The following CHD8 variants were observed in gnomAD, a reference collection of about 807,000 sequenced individuals.
CHD8 encodes the protein chromodomain helicase DNA binding protein 8.
Under a neutral mutation model 279.2 loss-of-function variants are expected in CHD8, and 31 were observed. That is an observed-to-expected ratio of 0.11 (90% CI 0.08 to 0.15). CHD8 has a LOEUF of 0.15. Ranked by LOEUF, CHD8 falls within the 10% of genes least tolerant of loss-of-function variation. The probability of loss-of-function intolerance (pLI) is 1.00; values close to 1 mark genes in which losing one functional copy is unlikely to be tolerated. For missense variants in CHD8, 2,146 were observed against 3,230.5 expected (o/e 0.66, Z 8.14); for synonymous variants, 1,081 against 1,139.6 (o/e 0.95, Z 1.04).
rs746163664 is a variant in CHD8, at chr14:21,429,086, G to C, written c.1093C>G (p.Gln365Glu). Residue 365 changes from glutamine (Q) to glutamate (E), a missense_variant, in exon 3 of 38, where the codon CAG becomes GAG. Physicochemically the swap from Gln to Glu is conservative, Grantham distance 29. This residue lies in a region of CHD8 where 170 missense variants were observed against 189.9 expected (regional missense o/e 0.90). Transcript: ENST00000646647. ...PQPPSSQPQP[Q>E]QPPSTQPVTL... ...ACTGGCTGGGTGGAGGGTGGCTGCTGGGGCTGTGGCTGCGATGATGGTGGT... is the reference window on the plus strand; with the variant it reads ...ACTGGCTGGGTGGAGGGTGGCTGCTCGGGCTGTGGCTGCGATGATGGTGGT... 35 of 1,613,916 alleles carry C rather than the reference G, an allele frequency of 2.2e-5. 1 individual carries two copies. Among genetic ancestry groups the C allele is most frequent in the East Asian group, 1.1e-4 (5 of 44,894 alleles).
rs1363376641 is a variant in CHD8 at position 21,405,114 on chromosome 14, G to A, written c.3307+95C>T. 1.6e-6 allele frequency: 2 copies of A among 1,276,240 alleles called. No homozygotes were observed. The highest frequency in any genetic ancestry group is 2.9e-5 in the African/African-American group (2 of 67,858). The allele number at this position is 1,276,240 out of a possible 1,614,324, so 79.1% of individuals were successfully genotyped here. On this transcript the variant is annotated intron_variant, in intron 16 of 37. Transcript: ENST00000646647. The surrounding 1 kb of genome is among the most constrained non-coding windows in gnomAD (Gnocchi z 4.2). The stretch of plus-strand genomic sequence containing the variant: ...TCAGTCCGCACCCCAAATTAGGTTG[G>A]TTGAGTCAATGCATCCATTGTCCCC...
chr14:21,391,950 G>A lies in CHD8; in HGVS notation c.6772-4C>T. The A allele has an allele frequency of 6.2e-7, 1 of 1,604,052 alleles. No individual in the cohort carries two copies. The highest frequency in any genetic ancestry group is 8.5e-7 in the Non-Finnish European group (1 of 1,171,138). ...ATGTTAACTTCAATCCTTCCTCCTAGGAAGACAACCCACCCACCCAAGACA... is the reference window on the plus strand; with the variant it reads ...ATGTTAACTTCAATCCTTCCTCCTAAGAAGACAACCCACCCACCCAAGACA... On this transcript the variant is annotated splice_polypyrimidine_tract_variant and splice_region_variant and intron_variant, in intron 34 of 37. Coordinates refer to ENST00000646647, the MANE Select transcript of CHD8 (RefSeq NM_001170629.2).
chr14:21,441,769 G>C (rs1456466994), intron 1 of CHD8, among the ~76,000 whole-genome samples: 1 of 152,108 alleles, frequency 6.6e-6, no homozygotes, highest in Non-Finnish European at 1.5e-5. Context: ...GGCACCTGTA[G>C]TCCCAGCTAC....
intron 5 of CHD8, among the ~76,000 whole-genome samples, chr14:21,420,214 C>T (rs904110891): frequency 6.6e-6 from 1 of 152,234 alleles, no homozygotes; most frequent in African/African-American, 2.4e-5. Context: ...CCCCTGCCAG[C>T]ACACCCTTCA....
At chr14:21,433,541 ACC>A (rs1889651059) in intron 1 of CHD8, among the ~76,000 whole-genome samples, 1 of 152,082 alleles carries the variant, frequency 6.6e-6, no homozygotes, top group African/African-American at 2.4e-5. Flanking sequence ...TTTCCATATA[ACC>A]CCCATGCTAT....
intron 10 of CHD8, among the ~76,000 whole-genome samples, chr14:21,412,380 G>A (rs906709992): frequency 6.6e-6 from 1 of 152,034 alleles, no homozygotes; most frequent in Admixed American, 6.6e-5. Flanking sequence ...TCCCAACCTC[G>A]TGATCTGCCC....
intron 37 of CHD8, among the ~76,000 whole-genome samples, chr14:21,386,761 C>T (rs946493586): frequency 2.0e-5 from 3 of 151,502 alleles, no homozygotes; most frequent in African/African-American, 7.3e-5. Flanking sequence ...ATGGTGTGAA[C>T]CCGGGAGGCA....
In CHD8 at chr14:21,429,038, C is replaced by A. The variant is rs1224318013; in HGVS notation, c.1141G>T (p.Ala381Ser). ...CTTTGTCCTGGTCCCATTATCTGAGCCTGCTGTACAGAGGACAGAGTCACT... is the reference window on the plus strand; with the variant it reads ...CTTTGTCCTGGTCCCATTATCTGAGACTGCTGTACAGAGGACAGAGTCACT... Reference protein sequence around the residue: ...QPVTLSSVQQAQIMGPGQSPG... With the variant: ...QPVTLSSVQQSQIMGPGQSPG... Residue 381 changes from alanine (A) to serine (S), a missense_variant, in exon 3 of 38, where the codon GCT (alanine) becomes TCT (serine). Physicochemically the swap from Ala to Ser is moderately conservative, Grantham distance 99. This residue lies in a region of CHD8 where 170 missense variants were observed against 189.9 expected (regional missense o/e 0.90). Coordinates refer to ENST00000646647, the MANE Select transcript of CHD8 (RefSeq NM_001170629.2). The A allele has an allele frequency of 1.2e-6, 2 of 1,613,944 alleles. No homozygotes were observed. The highest frequency in any genetic ancestry group is 1.3e-5 in the African/African-American group (1 of 75,016).
chr14:21,394,576 T>C, intron 30 of CHD8, 91 bp from the exon 31 acceptor site: 2 of 382,666 alleles, frequency 5.2e-6, no homozygotes, highest in Non-Finnish European at 7.7e-6. Context: ...TTTTAGAATA[T>C]CTGAAAACAC....
In CHD8 at chr14:21,402,205, A is replaced by G; in HGVS notation, c.3883-69T>C. On this transcript the variant is annotated intron_variant, in intron 19 of 37. Coordinates refer to ENST00000646647, the MANE Select transcript of CHD8 (RefSeq NM_001170629.2). The surrounding 1 kb of genome is among the most constrained non-coding windows in gnomAD (Gnocchi z 4.5). ...ATATCTAACCATGCCATAATATTTT[A>G]GCTATTATATTTTAAGAAATAATAA... 6.9e-7 allele frequency: 1 copy of G among 1,454,634 alleles called. No homozygotes were observed. The highest frequency in any genetic ancestry group is 9.4e-7 in the Non-Finnish European group (1 of 1,066,788). 90.1% of individuals were successfully genotyped at this position (1,454,634 alleles called of 1,614,324 possible). A position where few individuals can be genotyped will look rare whatever the true frequency, so the allele number is the denominator to read the frequency against.
intron 30 of CHD8, 74 bp downstream of exon 30, chr14:21,394,838 T>C: frequency 6.8e-7 from 1 of 1,476,352 alleles, no homozygotes; most frequent in Non-Finnish European, 9.3e-7. Flanking sequence ...AAATAAATCC[T>C]TCCTGAGATG....
chr14:21,395,364 G>A lies in CHD8; in HGVS notation c.5128-12C>T. ...ATCAAGGGATCACCCTAGAGAAGGA[G>A]ATCCACCCAATAGGATGGAGCGGGG... On this transcript the variant is annotated splice_polypyrimidine_tract_variant and intron_variant, in intron 28 of 37. Transcript: ENST00000646647. 1 of 1,595,136 alleles carries A rather than the reference G, an allele frequency of 6.3e-7. No homozygotes were observed. Among genetic ancestry groups the A allele is most frequent in the Non-Finnish European group, 8.6e-7 (1 of 1,167,702 alleles).
Position 21,401,008 on chromosome 14 carries a change from C to G in CHD8, c.4237G>C (p.Asp1413His). 1 of 1,614,004 alleles carries G rather than the reference C, an allele frequency of 6.2e-7. No individual in the cohort carries two copies. Among genetic ancestry groups the G allele is most frequent in the Non-Finnish European group, 8.5e-7 (1 of 1,179,890 alleles). ...KQTRHFSTLK[D>H]DDLVEFSDLE... is the part of the protein sequence containing the mutation. The stretch of plus-strand genomic sequence containing the variant: ...TCAGAGAATTCCACCAGGTCATCAT[C>G]TTTCAGAGTGCTAAAGTGGCGCGTT... The change falls in exon 22 of 38, where the codon GAT becomes CAT. Residue 1413 changes from aspartate (D) to histidine (H), a missense_variant. By Grantham distance (81) the Asp-to-His change is moderately conservative. This residue lies in a region of CHD8 where 74 missense variants were observed against 91.5 expected (regional missense o/e 0.81). Coordinates refer to ENST00000646647, the MANE Select transcript of CHD8 (RefSeq NM_001170629.2).
intron 1 of CHD8, among the ~76,000 whole-genome samples, chr14:21,452,428 G>C (rs929389626): frequency 6.6e-6 from 1 of 152,050 alleles, no homozygotes; most frequent in African/African-American, 2.4e-5. Flanking sequence ...AGATCAGCCT[G>C]AGGTCAGGAG....
At chr14:21,422,480 AT>A (rs1000673030) in intron 5 of CHD8, among the ~76,000 whole-genome samples, 1 of 145,506 alleles carries the variant, frequency 6.9e-6, no homozygotes, top group Non-Finnish European at 1.5e-5. Flanking sequence ...AATTTCCTTC[AT>A]TTTTTTTGTT....
intron 5 of CHD8, 109 bp from the exon 6 acceptor site, chr14:21,416,016 G>A: frequency 2.3e-6 from 2 of 866,036 alleles, no homozygotes; most frequent in South Asian, 3.3e-5. Flanking sequence ...AAATTTTCAT[G>A]AAAAATCAGA....
rs1027707875 is a variant in CHD8 at position 21,431,694 on chromosome 14, AG to A, written c.-52del. ...CTCCAAGGTCTAGGGAGGGAAGGGG[AG>A]GGGGGGTACTGGCTCTCCCCTCCCC... is the stretch of plus-strand genomic sequence containing the variant. On this transcript the variant is annotated 5_prime_UTR_variant, in exon 2 of 38. Coordinates refer to ENST00000646647, the MANE Select transcript of CHD8 (RefSeq NM_001170629.2). 5 of 1,484,790 alleles carry A rather than the reference AG, an allele frequency of 3.4e-6. No homozygotes were observed. The highest frequency in any genetic ancestry group is 1.8e-5 in the Admixed American group (1 of 55,910). 92.0% of individuals were successfully genotyped at this position (1,484,790 alleles called of 1,614,324 possible). A position where few individuals can be genotyped will look rare whatever the true frequency, so the allele number is the denominator to read the frequency against.
chr14:21,387,638 C>CTCA (rs1887318796), intron 37 of CHD8, among the ~76,000 whole-genome samples: 2 of 68,502 alleles, frequency 2.9e-5, no homozygotes, highest in African/African-American at 1.2e-4. Flanking sequence ...AACTCTGTAT[C>CTCA]AAAAAAAAAA....
In CHD8 at chr14:21,405,145, G is replaced by A. The variant is rs1888206755; in HGVS notation, c.3307+64C>T. On this transcript the variant is annotated intron_variant, in intron 16 of 37. Transcript: ENST00000646647. This position sits in a 1 kb window ranked among gnomAD's most constrained non-coding sequence, Gnocchi z 4.2. The stretch of plus-strand genomic sequence containing the variant: ...TCAATGCATCCATTGTCCCCAAGGA[G>A]AATCATCCGGAAAGTAAACACAGGT... 2.0e-6 allele frequency: 3 copies of A among 1,535,756 alleles called. No individual in the cohort carries two copies. Among genetic ancestry groups the A allele is most frequent in the Admixed American group, 1.8e-5 (1 of 56,910 alleles).
Sources: allele counts gnomAD v4.1 joint callset (sites outside exome capture counted in the v4.1 genomes callset), GRCh38; gene constraint gnomAD v4.1.1; regional missense constraint gnomAD v4.1.1; non-coding constraint Gnocchi (gnomAD v3.1); transcripts MANE v1.5; gene names NCBI Gene and HGNC (gene_info 2026-07-23, HGNC 2026-07-21).